The following BTAF1 variants were observed in gnomAD, a reference collection of about 807,000 sequenced individuals.
BTAF1 encodes the protein TATA-binding protein-associated factor 172.
In BTAF1, 38 loss-of-function variants were observed where a neutral mutation model predicts 227.1. The ratio of observed to expected loss-of-function variants is 0.17; its 90% CI spans 0.13 to 0.22. BTAF1 has a LOEUF of 0.22. Among genes scored for constraint, BTAF1 ranks in the 10% least tolerant of loss-of-function variants. The pLI, the probability that BTAF1 is intolerant of heterozygous loss-of-function variation, is 1.00. For synonymous variants in BTAF1, 742 were observed against 751.9 expected, an observed-to-expected ratio of 0.99 and a Z score of 0.21; for missense variants, 1,598 against 2,204.0, an observed-to-expected ratio of 0.73 and a Z score of 5.51.
chr10:92,027,060 A>G (rs372853971), intron 36 of BTAF1, 70 bp from the exon 37 acceptor site: 2 of 1,470,656 alleles, frequency 1.4e-6, no homozygotes, highest in Non-Finnish European at 9.2e-7. Context: ...CAAGTCTACA[A>G]GCCCTCTGAC....
intron 1 of BTAF1, among the ~76,000 whole-genome samples, chr10:91,929,863 A>G (rs1232907910): frequency 6.6e-6 from 1 of 152,134 alleles, no homozygotes; most frequent in African/African-American, 2.4e-5. Flanking sequence ...CCTTATTGTT[A>G]ATTTCAATCC....
chr10:92,010,827 A>G (rs1850243266), intron 28 of BTAF1, among the ~76,000 whole-genome samples: 2 of 152,156 alleles, frequency 1.3e-5, no homozygotes, highest in Non-Finnish European at 2.9e-5. Flanking sequence ...TAAGGAAGAG[A>G]TGTTGGCAAA....
Position 91,993,795 on chromosome 10 carries a change from C to T in BTAF1, c.3147C>T (p.Leu1049=). The change falls in exon 22 of 38, where the codon CTC becomes CTT. Residue 1049 remains leucine (L), a synonymous_variant. Transcript: ENST00000265990. The stretch of plus-strand genomic sequence containing the variant: ...AAATGGCAGTGAAGTTGCCACATCT[C>T]TGGGATGCTATGGTTGGCCCATTGA... The part of the protein sequence containing the change: ...GGEMAVKLPH[L]WDAMVGPLRN... The T allele has an allele frequency of 6.2e-7, 1 of 1,609,170 alleles. No homozygotes were observed. The highest frequency in any genetic ancestry group is 1.1e-5 in the South Asian group (1 of 89,822).
At chr10:91,991,832 T>TATACACAC (rs1466556430) in intron 20 of BTAF1, among the ~76,000 whole-genome samples, 1 of 11,296 alleles carries the variant, frequency 8.9e-5, no homozygotes, top group African/African-American at 1.3e-4. Context: ...TATATATATA[T>TATACACAC]ACACACATAT....
Position 92,008,925 on chromosome 10 carries a change from A to G in BTAF1, c.3910A>G (p.Ile1304Val). Residue 1304 changes from isoleucine to valine, a missense_variant, in exon 27 of 38, where the codon ATT becomes GTT. Physicochemically the swap from Ile to Val is conservative, Grantham distance 29. Coordinates refer to ENST00000265990, the MANE Select transcript of BTAF1 (RefSeq NM_003972.3). ...GLGKTLQSIC[I>V]LAGDHCHRAQ... Reference sequence around the variant, plus strand: ...AGGAAAAACTTTACAGTCCATCTGCATTCTAGCAGGAGATCATTGTCATAG... The same window carrying G: ...AGGAAAAACTTTACAGTCCATCTGCGTTCTAGCAGGAGATCATTGTCATAG... The G allele has an allele frequency of 6.2e-7, 1 of 1,613,950 alleles. No homozygotes were observed. The highest frequency in any genetic ancestry group is 1.1e-5 in the South Asian group (1 of 91,048).
intron 1 of BTAF1, among the ~76,000 whole-genome samples, chr10:91,925,516 C>CTTTTTTTTTTTTTTTTTTTTTTTT (rs6144026): frequency 7.9e-5 from 9 of 114,598 alleles, no homozygotes; most frequent in Admixed American, 1.0e-4. Flanking sequence ...ACGCTAATCT[C>CTTTTTTTTTTTTTTTTTTTTTTTT]TTTTTTTTTT....
rs1022832008 is a variant in BTAF1, at chr10:92,031,210, G to GA, written c.*2281dup. Among the ~76,000 whole-genome samples, 33 of 152,236 alleles carry GA rather than the reference G, an allele frequency of 2.2e-4. No homozygotes were observed. Among genetic ancestry groups the GA allele is most frequent in the African/African-American group, 7.2e-4 (30 of 41,540 alleles). On this transcript the variant is annotated 3_prime_UTR_variant, in exon 38 of 38. Transcript: ENST00000265990. Reference sequence around the variant, plus strand: ...GTCTTATCATTTGGGTTTCTTGTAGGAAAATCTTAACATTTGGGGGCCTGG... The same window carrying GA: ...GTCTTATCATTTGGGTTTCTTGTAGGAAAAATCTTAACATTTGGGGGCCTGG...
chr10:91,942,532 G>C lies in BTAF1; in HGVS notation c.364G>C (p.Ala122Pro). The C allele has an allele frequency of 1.2e-6, 2 of 1,614,106 alleles. No individual in the cohort carries two copies. Residue 122 changes from alanine (A) to proline (P), a missense_variant, in exon 4 of 38, where the codon GCT (alanine) becomes CCT (proline). By Grantham distance (27) the Ala-to-Pro change is conservative. Around this residue, in one of 10 missense-constraint regions of BTAF1, gnomAD observed 298 missense variants for 395.2 expected, o/e 0.75. Coordinates refer to ENST00000265990, the MANE Select transcript of BTAF1 (RefSeq NM_003972.3). Reference protein sequence around the residue: ...LQHGASLLGSAGAEFEVQDEK... With the variant: ...LQHGASLLGSPGAEFEVQDEK... ...ACATGGTGCATCACTCCTGGGATCT[G>C]CTGGTGCCGAATTTGAAGTCCAAGA...
rs1437597683 is a variant in BTAF1, at chr10:92,013,681, G to A, written c.4326G>A (p.Glu1442=). ...SGTPIQNNVL[E]LWSLFDFLMP... is the part of the protein sequence containing the mutation. ...CCTGTTTACAGAACAACGTTTTGGA[G>A]CTGTGGTCATTATTTGATTTCCTCA... Residue 1442 remains glutamate (E), a synonymous_variant, in exon 31 of 38, where the codon GAG becomes GAA. Transcript: ENST00000265990. The A allele has an allele frequency of 4.3e-6, 7 of 1,614,028 alleles. No homozygotes were observed. The Middle Eastern group carries it at 5.0e-4, about 114-fold the overall frequency.
chr10:91,947,376 T>C (rs2133840103), intron 4 of BTAF1, among the ~76,000 whole-genome samples: 1 of 148,976 alleles, frequency 6.7e-6, no homozygotes, highest in African/African-American at 2.4e-5. Context: ...TTTTGAGTTT[T>C]TTTTGTATAT....
At chr10:91,935,890 A>AT in intron 2 of BTAF1, 110 bp downstream of exon 2, 6 of 1,057,078 alleles carry the variant, frequency 5.7e-6, no homozygotes, top group Admixed American at 3.7e-5. Context: ...CATTTTTGCT[A>AT]TTTCTTTTTT....
At chr10:92,023,936 C>G (rs1232376817) in intron 34 of BTAF1, among the ~76,000 whole-genome samples, 2 of 152,142 alleles carry the variant, frequency 1.3e-5, no homozygotes, top group Non-Finnish European at 2.9e-5. Flanking sequence ...ACTGCCGGCC[C>G]AGCTCTTAGA....
At chr10:91,977,023 G>GT (rs571187302) in intron 14 of BTAF1, among the ~76,000 whole-genome samples, 304 of 152,312 alleles carry the variant, frequency 2.0e-3, no homozygotes, top group Non-Finnish European at 3.4e-3. Context: ...AACCTGAAGG[G>GT]TAAGTGGAAT....
At chr10:91,988,021 A>G (rs1848520844) in intron 19 of BTAF1, among the ~76,000 whole-genome samples, 1 of 152,192 alleles carries the variant, frequency 6.6e-6, no homozygotes, top group African/African-American at 2.4e-5. Context: ...TTTGTTTGCC[A>G]AGATGTCCCT....
chr10:92,024,590 A>G (rs1851357574), intron 34 of BTAF1, among the ~76,000 whole-genome samples, 166 bp from the exon 35 acceptor site: 1 of 152,124 alleles, frequency 6.6e-6, no homozygotes, highest in Admixed American at 6.5e-5. Flanking sequence ...CTCAAAAACT[A>G]GTTCAGTGTG....
intron 32 of BTAF1, among the ~76,000 whole-genome samples, chr10:92,015,393 TC>T (rs1210326126): frequency 1.3e-5 from 2 of 152,166 alleles, no homozygotes; most frequent in African/African-American, 4.8e-5. Context: ...AACTTACTTT[TC>T]CCCCCTCCAT....
At chr10:91,958,286 G>T (rs186914617) in intron 8 of BTAF1, among the ~76,000 whole-genome samples, 1 of 152,194 alleles carries the variant, frequency 6.6e-6, no homozygotes, top group Admixed American at 6.5e-5. Context: ...GAACTCCTGA[G>T]CTCAAGTGAT....
chr10:91,924,236 G>C, intron 1 of BTAF1, 146 bp downstream of exon 1: 1 of 1,129,516 alleles, frequency 8.9e-7, no homozygotes, highest in Non-Finnish European at 1.2e-6. Flanking sequence ...TTCGCCCCGT[G>C]GTCGGCGGGG....
chr10:91,924,293 T>G (rs758871232), intron 1 of BTAF1, among the ~76,000 whole-genome samples: 1 of 152,228 alleles, frequency 6.6e-6, no homozygotes, highest in Non-Finnish European at 1.5e-5. Context: ...ATAATGCCTT[T>G]TTCTTGTTAA....
Sources: gnomAD v4.1 joint callset for allele counts (sites outside exome capture counted in the v4.1 genomes callset) on GRCh38, gnomAD v4.1.1 for gene constraint, gnomAD v4.1.1 regional missense constraint, MANE v1.5 for transcripts, NCBI Gene and HGNC (gene_info 2026-07-23, HGNC 2026-07-21) for gene names.